The following WDR13 variants were observed in gnomAD, a reference collection of about 807,000 sequenced individuals.
WDR13 encodes the protein WD repeat-containing protein 13.
A neutral mutation model predicts 28.6 loss-of-function variants in WDR13; 1 was observed. That is an observed-to-expected ratio of 0.03 (90% CI 0.01 to 0.17). The LOEUF (loss-of-function observed/expected upper bound fraction) is 0.17, where lower values mean the gene tolerates loss of function less well. Ranked by LOEUF, WDR13 falls within the 10% of genes least tolerant of loss-of-function variation. The probability of loss-of-function intolerance (pLI) is 1.00; values close to 1 mark genes in which losing one functional copy is unlikely to be tolerated. For synonymous variants in WDR13, 201 were observed against 185.9 expected (o/e 1.08, Z -0.66); for missense variants, 264 against 469.3 (o/e 0.56, Z 4.04).
intron 8 of WDR13, among the ~76,000 whole-genome samples, 188 bp downstream of exon 8, chrX:48,602,394 T>TA (rs1286889413): frequency 1.8e-5 from 2 of 111,591 alleles, no homozygotes; most frequent in Non-Finnish European, 3.8e-5. Context: ...AGTTTCCACG[T>TA]ATCACCACAT....
At position 48,602,046 on chromosome X, in the gene WDR13, C is replaced by T; in HGVS notation, c.1013-19C>T. ...AGCCCTCACCCTCACCTTTGCCTTC[C>T]CTCCCTCTGCTGCTGCAGGGAAGCT... On this transcript the variant is annotated intron_variant, in intron 7 of 9. Transcript: ENST00000376729. The T allele has an allele frequency of 8.3e-7, 1 of 1,208,729 alleles. No homozygotes were observed.
At chrX:48,598,393 C>A in intron 2 of WDR13, 1 of 1,012,768 alleles carries the variant, frequency 9.9e-7, no homozygotes, top group Non-Finnish European at 1.2e-6. Context: ...ACGCTGACCC[C>A]CATAATGTCA....
At chrX:48,602,433 G>A (rs781960487) in intron 8 of WDR13, among the ~76,000 whole-genome samples, 23 of 111,307 alleles carry the variant, frequency 2.1e-4, no homozygotes, top group Non-Finnish European at 3.8e-4. Flanking sequence ...TGTGAGGTAG[G>A]TGCTGTTATT....
At chrX:48,598,683 T>G in intron 2 of WDR13, 34 bp from the exon 3 acceptor site, 1 of 931,793 alleles carries the variant, frequency 1.1e-6, no homozygotes. Context: ...CTCTGTCCTG[T>G]GCCTGCTGCC....
In WDR13 at chrX:48,599,371, C is replaced by T. The variant is rs781793830; in HGVS notation, c.301C>T (p.Arg101Trp). 5 of 1,199,746 alleles carry T rather than the reference C, an allele frequency of 4.2e-6. No homozygotes were observed. The highest frequency in any genetic ancestry group is 5.6e-6 in the Non-Finnish European group (5 of 890,810). The part of the protein sequence containing the change: ...DRMEDFEDDP[R>W]ALGARGHRRS... ...TTTGCAGGACTTTGAGGATGATCCT[C>T]GGGCCCTGGGGGCCCGTGGGCACCG... Residue 101 changes from arginine (R) to tryptophan (W), a missense_variant, in exon 4 of 10, where the codon CGG becomes TGG. Around this residue, in one of 4 missense-constraint regions of WDR13, gnomAD observed 74 missense variants for 89.3 expected, o/e 0.83. Transcript: ENST00000376729.
chrX:48,597,624 G>T lies in WDR13; in HGVS notation c.-40+10G>T. ...GGAGGCAGCCCCGGAGGTGGTCCCC[G>T]ATCCCGGGCTATGCTCTTGGATCTG... On this transcript the variant is annotated intron_variant, in intron 1 of 9. Coordinates refer to ENST00000376729, the MANE Select transcript of WDR13 (RefSeq NM_001347217.2). 1 of 182,659 alleles carries T rather than the reference G, an allele frequency of 5.5e-6. No individual in the cohort carries two copies. The highest frequency in any genetic ancestry group is 1.0e-5 in the Non-Finnish European group (1 of 97,848). 15.1% of individuals were successfully genotyped at this position (182,659 alleles called of 1,213,427 possible).
chrX:48,604,099 A>G (rs781872218), intron 8 of WDR13, 173 bp from the exon 9 acceptor site: 81 of 427,487 alleles, frequency 1.9e-4, no homozygotes, highest in African/African-American at 1.4e-3. Context: ...TGATCGCACC[A>G]CTACACTCCA....
intron 8 of WDR13, among the ~76,000 whole-genome samples, chrX:48,602,532 C>CTT (rs55822629): frequency 1.4e-4 from 12 of 83,865 alleles, no homozygotes; most frequent in Non-Finnish European, 1.9e-4. Flanking sequence ...TCCTTCCTTC[C>CTT]TTTTTTTTTT....
chrX:48,598,619 C>T, intron 2 of WDR13, 98 bp from the exon 3 acceptor site: 1 of 1,110,719 alleles, frequency 9.0e-7, no homozygotes, highest in Non-Finnish European at 1.2e-6. Flanking sequence ...GCCCCAGTCA[C>T]TGCCACACAC....
chrX:48,597,680 G>C, intron 1 of WDR13, 66 bp downstream of exon 1: 1 of 293,321 alleles, frequency 3.4e-6, no homozygotes, highest in Non-Finnish European at 5.9e-6. Flanking sequence ...GCGGGGACAA[G>C]ATGGGTGGAG....
rs1317063363 is a variant in WDR13 at position 48,606,547 on chromosome X, C to G, written c.*1515C>G. The G allele has an allele frequency of 9.9e-5, 11 of 111,203 alleles. No homozygotes were observed. The highest frequency in any genetic ancestry group is 3.6e-4 in the African/African-American group (11 of 30,537). 9.2% of individuals were successfully genotyped at this position (111,203 alleles called of 1,213,427 possible). A position where few individuals can be genotyped will look rare whatever the true frequency, so the allele number is the denominator to read the frequency against. On this transcript the variant is annotated 3_prime_UTR_variant, in exon 10 of 10. Coordinates refer to ENST00000376729, the MANE Select transcript of WDR13 (RefSeq NM_001347217.2). ...CAGGGTACAAATTCCAGCCCTGGAA[C>G]AGCTCAGAGACCAAAAAGTGATGTT...
Position 48,607,221 on chromosome X carries a change from T to G in WDR13, c.*2189T>G, listed in dbSNP as rs1000716573. 9.0e-6 allele frequency: 1 copy of G among 111,078 alleles called. No homozygotes were observed. The highest frequency in any genetic ancestry group is 1.9e-5 in the Non-Finnish European group (1 of 53,017). 9.2% of individuals were successfully genotyped at this position (111,078 alleles called of 1,213,427 possible). On this transcript the variant is annotated 3_prime_UTR_variant, in exon 10 of 10. Coordinates refer to ENST00000376729, the MANE Select transcript of WDR13 (RefSeq NM_001347217.2). The stretch of plus-strand genomic sequence containing the variant: ...TCCCAGAGAGACCCAGGCACAAGTT[T>G]CCAGGGCTTCTCTCTCATTGGAGTC...
chrX:48,605,997 A>G lies in WDR13; in HGVS notation c.*965A>G, dbSNP rs1444841347. ...CCAGAAGGATCATTGTGTATGCCAG[A>G]GTCTTGCTGGACCAGAGTGTGACAG... is the stretch of plus-strand genomic sequence containing the variant. On this transcript the variant is annotated 3_prime_UTR_variant, in exon 10 of 10. Transcript: ENST00000376729. 1 of 110,379 alleles carries G rather than the reference A, an allele frequency of 9.1e-6. No homozygotes were observed. The allele number at this position is 110,379 out of a possible 1,213,427, so 9.1% of individuals were successfully genotyped here. A position where few individuals can be genotyped will look rare whatever the true frequency, so the allele number is the denominator to read the frequency against.
rs1253439653 is a variant in WDR13 at position 48,606,948 on chromosome X, A to G, written c.*1916A>G. On this transcript the variant is annotated 3_prime_UTR_variant, in exon 10 of 10. Coordinates refer to ENST00000376729, the MANE Select transcript of WDR13 (RefSeq NM_001347217.2). ...TGCACCCCAAGCATTTCTAACTGGCACTTCCATCTAATAGACCTCAGGGTA... is the reference window on the plus strand; with the variant it reads ...TGCACCCCAAGCATTTCTAACTGGCGCTTCCATCTAATAGACCTCAGGGTA... The G allele has an allele frequency of 1.8e-5, 2 of 111,383 alleles. No individual in the cohort carries two copies. Among genetic ancestry groups the G allele is most frequent in the Non-Finnish European group, 3.8e-5 (2 of 53,097 alleles). 9.2% of individuals were successfully genotyped at this position (111,383 alleles called of 1,213,427 possible).
At position 48,599,473 on chromosome X, in the gene WDR13, G is replaced by A; in HGVS notation, c.392+11G>A. On this transcript the variant is annotated intron_variant, in intron 4 of 9. Transcript: ENST00000376729. The stretch of plus-strand genomic sequence containing the variant: ...CGTCTATGAGGACAGGTATGCACCA[G>A]AGGCAGCCAAGGCGGGGGGCGGGTT... 1 of 1,207,147 alleles carries A rather than the reference G, an allele frequency of 8.3e-7. No individual in the cohort carries two copies. Among genetic ancestry groups the A allele is most frequent in the East Asian group, 3.0e-5 (1 of 33,764 alleles).
chrX:48,601,709 A>G, intron 6 of WDR13, 75 bp from the exon 7 acceptor site: 6 of 1,032,306 alleles, frequency 5.8e-6, no homozygotes, highest in Non-Finnish European at 7.7e-6. Context: ...TCGCATCAAC[A>G]GCAGCCCCAC....
chrX:48,604,230 AGGGCT>A (rs1459890132), intron 8 of WDR13, 37 bp from the exon 9 acceptor site: 1 of 1,154,289 alleles, frequency 8.7e-7, no homozygotes, highest in Non-Finnish European at 1.2e-6. Context: ...TCTCCCTGCT[AGGGCT>A]GGGGCTGTGT....
Position 48,605,947 on chromosome X carries a change from C to T in WDR13, c.*915C>T, listed in dbSNP as rs1556995948. 1 of 110,314 alleles carries T rather than the reference C, an allele frequency of 9.1e-6. No individual in the cohort carries two copies. The highest frequency in any genetic ancestry group is 3.3e-5 in the African/African-American group (1 of 30,271). 9.1% of individuals were successfully genotyped at this position (110,314 alleles called of 1,213,427 possible). On this transcript the variant is annotated 3_prime_UTR_variant, in exon 10 of 10. Coordinates refer to ENST00000376729, the MANE Select transcript of WDR13 (RefSeq NM_001347217.2). ...CATTCCAGGCAGAGAGAAAGCCAGC[C>T]TAAAGGCACTGAGGCTGGAGCGCTC...
chrX:48,600,066 C>T (rs1556993945), intron 5 of WDR13: 8 of 418,967 alleles, frequency 1.9e-5, no homozygotes, highest in Non-Finnish European at 2.8e-5. Context: ...ATAAAGTGTT[C>T]GCTAAGACAG....
Sources: gnomAD v4.1 joint callset for allele counts (sites outside exome capture counted in the v4.1 genomes callset) on GRCh38, gnomAD v4.1.1 for gene constraint, gnomAD v4.1.1 regional missense constraint, MANE v1.5 for transcripts, NCBI Gene and HGNC (gene_info 2026-07-23, HGNC 2026-07-21) for gene names.